MYBPC3: variants seen among roughly 807,000 people sequenced by gnomAD.
MYBPC3 encodes the protein myosin-binding protein C, cardiac-type.
In MYBPC3, 108 loss-of-function variants were observed where a neutral mutation model predicts 159.3. The observed-to-expected ratio is 0.68, with a 90% CI of 0.58 to 0.80. The LOEUF (loss-of-function observed/expected upper bound fraction) is 0.80, where lower values mean the gene tolerates loss of function less well. MYBPC3 is among the 30% of genes least tolerant of loss of function. MYBPC3 has a pLI of 0.00. For missense variants in MYBPC3, 1,631 were observed against 1,762.1 expected (o/e 0.93, Z 1.33); for synonymous variants, 730 against 702.0 (o/e 1.04, Z -0.63).
chr11:47,349,481 AC>A (rs2095898044), intron 5 of MYBPC3, among the ~76,000 whole-genome samples: 1 of 149,500 alleles, frequency 6.7e-6, no homozygotes, highest in African/African-American at 2.5e-5. Flanking sequence ...ACCCTGGGCG[AC>A]CCCCCACCCC....
At position 47,332,984 on chromosome 11, in the gene MYBPC3, G is replaced by A. The variant is rs1181511044; in HGVS notation, c.3331-11C>T. 6 of 1,603,766 alleles carry A rather than the reference G, an allele frequency of 3.7e-6. No individual in the cohort carries two copies. The highest frequency in any genetic ancestry group is 5.1e-6 in the Non-Finnish European group (6 of 1,174,980). On this transcript the variant is annotated splice_polypyrimidine_tract_variant and intron_variant, in intron 30 of 34. Coordinates refer to ENST00000545968, the MANE Select transcript of MYBPC3 (RefSeq NM_000256.3). This position sits in a 1 kb window ranked among gnomAD's most constrained non-coding sequence, Gnocchi z 4.2. ...GACGGTGAACCACTCCTGGGGGCAGGGAGGGAGGGGAGGCATCTCTGGGCC... is the reference window on the plus strand; with the variant it reads ...GACGGTGAACCACTCCTGGGGGCAGAGAGGGAGGGGAGGCATCTCTGGGCC...
chr11:47,350,585 G>T lies in MYBPC3; in HGVS notation c.323C>A (p.Pro108His), dbSNP rs772678776. 3 of 1,524,434 alleles carry T rather than the reference G, an allele frequency of 2.0e-6. No individual in the cohort carries two copies. The highest frequency in any genetic ancestry group is 2.6e-6 in the Non-Finnish European group (3 of 1,144,630). 94.4% of individuals were successfully genotyped at this position (1,524,434 alleles called of 1,614,324 possible). Residue 108 changes from proline to histidine, a missense_variant, in exon 3 of 35, where the codon CCT (proline) becomes CAT (histidine). Physicochemically the swap from Pro to His is moderately conservative, Grantham distance 77. Coordinates refer to ENST00000545968, the MANE Select transcript of MYBPC3 (RefSeq NM_000256.3). The stretch of plus-strand genomic sequence containing the variant: ...GGCTCCAGTGGCCTCAGCAGGGGCA[G>T]GGGCAGGGGCCAGCATGGGCTCTGC... Reference protein sequence around the residue: ...EKAEPMLAPAPAPAEATGAPG... With the variant: ...EKAEPMLAPAHAPAEATGAPG...
In MYBPC3 at chr11:47,332,379, C is replaced by T; in HGVS notation, c.3628-121G>A. 3.5e-6 allele frequency: 5 copies of T among 1,433,552 alleles called. No individual in the cohort carries two copies. The highest frequency in any genetic ancestry group is 4.8e-6 in the Non-Finnish European group (5 of 1,038,856). 88.8% of individuals were successfully genotyped at this position (1,433,552 alleles called of 1,614,324 possible). A position where few individuals can be genotyped will look rare whatever the true frequency, so the allele number is the denominator to read the frequency against. On this transcript the variant is annotated intron_variant, in intron 32 of 34. Coordinates refer to ENST00000545968, the MANE Select transcript of MYBPC3 (RefSeq NM_000256.3). The surrounding 1 kb of genome is among the most constrained non-coding windows in gnomAD (Gnocchi z 4.2). Reference sequence around the variant, plus strand: ...GTCCCACGAGAGTCCCTGACTATGCCCAAGGCTGGAAACAAACATGGAACC... The same window carrying T: ...GTCCCACGAGAGTCCCTGACTATGCTCAAGGCTGGAAACAAACATGGAACC...
chr11:47,350,546 G>T lies in MYBPC3; in HGVS notation c.362C>A (p.Pro121Gln), dbSNP rs551888783. 3 of 1,552,704 alleles carry T rather than the reference G, an allele frequency of 1.9e-6. No individual in the cohort carries two copies. In the East Asian group the frequency reaches 7.1e-5, roughly 37 times the overall value. The change falls in exon 3 of 35, where the codon CCG (proline) becomes CAG (glutamine). Residue 121 changes from proline (P) to glutamine (Q), a missense_variant. Coordinates refer to ENST00000545968, the MANE Select transcript of MYBPC3 (RefSeq NM_000256.3). ...AEATGAPGEAPAPAAELGESA... is the reference protein window; with the variant it reads ...AEATGAPGEAQAPAAELGESA... ...TTCTCCCAGCTCAGCGGCTGGGGCCGGGGCTTCTCCAGGGGCTCCAGTGGC... is the reference window on the plus strand; with the variant it reads ...TTCTCCCAGCTCAGCGGCTGGGGCCTGGGCTTCTCCAGGGGCTCCAGTGGC...
In MYBPC3 at chr11:47,346,217, C is replaced by G. The variant is rs730880632; in HGVS notation, c.1080G>C (p.Lys360Asn). The change falls in exon 12 of 35, where the codon AAG (lysine) becomes AAC (asparagine). Residue 360 changes from lysine (K) to asparagine (N), a missense_variant. Transcript: ENST00000545968. This position sits in a 1 kb window ranked among gnomAD's most constrained non-coding sequence, Gnocchi z 5.3. ...KRLKGMRRDEKKSTAFQKKLE... is the reference protein window; with the variant it reads ...KRLKGMRRDENKSTAFQKKLE... ...TGAGGAAGGGCTAACCTGTGCTCTTCTTCTCATCGCGCCTCATGCCCTTGA... is the reference window on the plus strand; with the variant it reads ...TGAGGAAGGGCTAACCTGTGCTCTTGTTCTCATCGCGCCTCATGCCCTTGA... 6 of 1,613,790 alleles carry G rather than the reference C, an allele frequency of 3.7e-6. No homozygotes were observed. The highest frequency in any genetic ancestry group is 4.2e-6 in the Non-Finnish European group (5 of 1,179,856).
Position 47,332,705 on chromosome 11 carries a change from G to C in MYBPC3, c.3491-3C>G, listed in dbSNP as rs730880592. 1.2e-6 allele frequency: 2 copies of C among 1,605,692 alleles called. No individual in the cohort carries two copies. Among genetic ancestry groups the C allele is most frequent in the Non-Finnish European group, 1.7e-6 (2 of 1,175,934 alleles). On this transcript the variant is annotated splice_region_variant and splice_polypyrimidine_tract_variant and intron_variant, in intron 31 of 34. Transcript: ENST00000545968. The surrounding 1 kb of genome is among the most constrained non-coding windows in gnomAD (Gnocchi z 4.2). ...GTTGGGTGGCTCATAGGTGATGCCT[G>C]TTGGTGACAGGACTTGGTACCGAGA... is the stretch of plus-strand genomic sequence containing the variant.
In MYBPC3 at chr11:47,341,013, T is replaced by TAC; in HGVS notation, c.1915_1916dup (p.Pro640TyrfsTer24). 1 of 1,569,316 alleles carries TAC rather than the reference T, an allele frequency of 6.4e-7. No homozygotes were observed. The highest frequency in any genetic ancestry group is 8.6e-7 in the Non-Finnish European group (1 of 1,158,270). On this transcript the variant is annotated frameshift_variant, in exon 20 of 35. Coordinates refer to ENST00000545968, the MANE Select transcript of MYBPC3 (RefSeq NM_000256.3). LOFTEE classifies it high-confidence loss of function. ...GGCCCCAAGACTTACCCTGCCTGGGTACGAAGTCAATCTTGACCTCTGCAA... is the reference window on the plus strand; with the variant it reads ...GGCCCCAAGACTTACCCTGCCTGGGTACACGAAGTCAATCTTGACCTCTGCAA...
intron 17 of MYBPC3, 116 bp from the exon 18 acceptor site, chr11:47,342,272 G>T: frequency 7.5e-7 from 1 of 1,333,424 alleles, no homozygotes; most frequent in Non-Finnish European, 1.0e-6. Flanking sequence ...GTGCATGTGG[G>T]CATGTGAAAA....
Position 47,350,177 on chromosome 11 carries a change from G to T in MYBPC3, c.407-65C>A, listed in dbSNP as rs556469298. On this transcript the variant is annotated intron_variant, in intron 3 of 34. Transcript: ENST00000545968. ...CTTGCTCTGTCACCCAGGCTGGAGTGCAGAGGCACAATCTCGGCTCACTGC... is the reference window on the plus strand; with the variant it reads ...CTTGCTCTGTCACCCAGGCTGGAGTTCAGAGGCACAATCTCGGCTCACTGC... The T allele has an allele frequency of 4.1e-6, 6 of 1,481,452 alleles. No homozygotes were observed. In the South Asian group the frequency reaches 7.3e-5, roughly 18 times the overall value. The allele number at this position is 1,481,452 out of a possible 1,614,324, so 91.8% of individuals were successfully genotyped here.
At chr11:47,333,861 G>C in intron 28 of MYBPC3, 61 bp downstream of exon 28, 1 of 1,551,682 alleles carries the variant, frequency 6.4e-7, no homozygotes, top group East Asian at 2.4e-5. Flanking sequence ...CAGTCCACTG[G>C]ATGGGAACAA....
At chr11:47,344,620 G>A (rs1205958154) in intron 12 of MYBPC3, among the ~76,000 whole-genome samples, 2 of 152,196 alleles carry the variant, frequency 1.3e-5, no homozygotes, top group Admixed American at 6.5e-5. Flanking sequence ...CAGCTGCGGA[G>A]GGGCAGAGAT....
intron 18 of MYBPC3, among the ~76,000 whole-genome samples, chr11:47,341,619 T>TCCTGC (rs2095888661): frequency 6.6e-6 from 1 of 152,208 alleles, no homozygotes; most frequent in African/African-American, 2.4e-5. Context: ...CTTGGTGGCC[T>TCCTGC]CCTGCCCTGC....
At chr11:47,336,159 G>T in intron 25 of MYBPC3, 148 bp from the exon 26 acceptor site, 1 of 808,144 alleles carries the variant, frequency 1.2e-6, no homozygotes, top group Non-Finnish European at 1.7e-6. Flanking sequence ...TTTTGTCCCT[G>T]TTACAAGACA....
intron 6 of MYBPC3, 76 bp downstream of exon 6, chr11:47,348,348 A>T: frequency 9.4e-7 from 1 of 1,066,626 alleles, no homozygotes; most frequent in Non-Finnish European, 1.4e-6. Flanking sequence ...CATCCTCCTT[A>T]GTGTTGGGAA....
At chr11:47,331,805 C>A in intron 34 of MYBPC3, 40 bp downstream of exon 34, 1 of 1,571,348 alleles carries the variant, frequency 6.4e-7, no homozygotes, top group Non-Finnish European at 8.6e-7. Flanking sequence ...GGCCAGGGCT[C>A]AGCCACTGAC....
intron 29 of MYBPC3, 77 bp from the exon 30 acceptor site, chr11:47,333,410 C>T: frequency 6.7e-7 from 1 of 1,497,062 alleles, no homozygotes; most frequent in Non-Finnish European, 8.9e-7. Context: ...GGGACCACCC[C>T]ACCCCTGCCA....
At chr11:47,345,441 CGTGT>C (rs1332117663) in intron 12 of MYBPC3, among the ~76,000 whole-genome samples, 2 of 152,094 alleles carry the variant, frequency 1.3e-5, no homozygotes, top group Non-Finnish European at 2.9e-5. Context: ...TCCCCATGAT[CGTGT>C]GTGTTTTGTG....
rs909287713 is a variant in MYBPC3, at chr11:47,335,027, C to T, written c.2905+15G>A. 1.1e-5 allele frequency: 17 copies of T among 1,507,796 alleles called. No homozygotes were observed. The highest frequency in any genetic ancestry group is 1.4e-5 in the Non-Finnish European group (16 of 1,120,736). The allele number at this position is 1,507,796 out of a possible 1,614,324, so 93.4% of individuals were successfully genotyped here. A position where few individuals can be genotyped will look rare whatever the true frequency, so the allele number is the denominator to read the frequency against. ...GTCAATGGCGGGTCTTGTGACTGCA[C>T]AAAGGGGCACTCACGCAGGATCTCC... is the stretch of plus-strand genomic sequence containing the variant. On this transcript the variant is annotated intron_variant, in intron 27 of 34. Transcript: ENST00000545968.
In MYBPC3 at chr11:47,349,748, T is replaced by C. The variant is rs1202811645; in HGVS notation, c.654+26A>G. The C allele has an allele frequency of 1.9e-6, 3 of 1,597,758 alleles. No individual in the cohort carries two copies. In the South Asian group the frequency reaches 3.3e-5, roughly 18 times the overall value. On this transcript the variant is annotated intron_variant, in intron 5 of 34. Coordinates refer to ENST00000545968, the MANE Select transcript of MYBPC3 (RefSeq NM_000256.3). ...GGGCTCTCCATGTCCCCTCTCTCCG[T>C]GTCTCCACGACCCCGGTGGACCCAC... is the stretch of plus-strand genomic sequence containing the variant.
Sources: gnomAD v4.1 joint callset for allele counts (sites outside exome capture counted in the v4.1 genomes callset) on GRCh38, gnomAD v4.1.1 for gene constraint, Gnocchi (gnomAD v3.1) non-coding constraint, MANE v1.5 for transcripts, NCBI Gene and HGNC (gene_info 2026-07-23, HGNC 2026-07-21) for gene names.